CSMD1: variants seen among roughly 807,000 people sequenced by gnomAD.
CSMD1 encodes the protein CUB and Sushi multiple domains 1.
Under a neutral mutation model 417.5 loss-of-function variants are expected in CSMD1, and 213 were observed. That is an observed-to-expected ratio of 0.51 (90% CI 0.46 to 0.57). CSMD1 has a LOEUF of 0.57. Ranked by LOEUF, CSMD1 falls within the 20% of genes least tolerant of loss-of-function variation. The pLI is 0.00. For missense variants in CSMD1, 6,923 were observed against 4,529.7 expected (o/e 1.53, Z -15.17); for synonymous variants, 2,862 against 1,736.8 (o/e 1.65, Z -16.11).
chr8:3,934,213 T>C (rs1341866999), intron 5 of CSMD1, among the ~76,000 whole-genome samples: 1 of 152,238 alleles, frequency 6.6e-6, no homozygotes, highest in Non-Finnish European at 1.5e-5. Flanking sequence ...ATTACACTCC[T>C]ACCTAATCAA....
chr8:3,171,090 T>C (rs901873980), intron 37 of CSMD1, among the ~76,000 whole-genome samples: 4 of 152,354 alleles, frequency 2.6e-5, no homozygotes, highest in Middle Eastern at 3.4e-3. Context: ...TTTATGATTA[T>C]AGTTCATGAG....
intron 1 of CSMD1, among the ~76,000 whole-genome samples, chr8:4,745,920 CT>C (rs1239344885): frequency 6.6e-6 from 1 of 152,190 alleles, no homozygotes. Context: ...AGTCAGCTAA[CT>C]TTTGAGCCAC....
intron 5 of CSMD1, among the ~76,000 whole-genome samples, chr8:3,779,032 G>C (rs917122101): frequency 2.0e-5 from 3 of 152,104 alleles, no homozygotes; most frequent in Admixed American, 2.0e-4. Context: ...ATATTTGCAT[G>C]ATCAACGTTT....
intron 46 of CSMD1, among the ~76,000 whole-genome samples, chr8:3,106,082 A>C (rs1816115318): frequency 6.6e-6 from 1 of 152,158 alleles, no homozygotes. Context: ...TTGCAATGGG[A>C]TCAGAGCACA....
chr8:4,130,112 A>G (rs1026215041), intron 3 of CSMD1, among the ~76,000 whole-genome samples: 2 of 152,216 alleles, frequency 1.3e-5, no homozygotes. Flanking sequence ...CTCCATCACC[A>G]TGGAGTCACT....
At chr8:3,826,850 G>C (rs116336953) in intron 5 of CSMD1, among the ~76,000 whole-genome samples, 1,638 of 152,184 alleles carry the variant, frequency 0.011, 30 homozygotes, top group African/African-American at 0.037. Context: ...GTAGTGGTGT[G>C]ATCATAGCTC....
At chr8:3,499,950 T>C (rs1418498868) in intron 10 of CSMD1, among the ~76,000 whole-genome samples, 2 of 152,042 alleles carry the variant, frequency 1.3e-5, no homozygotes, top group Non-Finnish European at 2.9e-5. Flanking sequence ...AAAACAGTCA[T>C]GTGGGCTGCA....
chr8:3,618,442 T>A (rs1298569410), intron 7 of CSMD1, among the ~76,000 whole-genome samples: 1 of 152,052 alleles, frequency 6.6e-6, no homozygotes, highest in Non-Finnish European at 1.5e-5. Context: ...AGATATTTTT[T>A]AGGTATTTTT....
chr8:3,031,032 T>C (rs1664559996), intron 50 of CSMD1, among the ~76,000 whole-genome samples: 1 of 152,008 alleles, frequency 6.6e-6, no homozygotes, highest in African/African-American at 2.4e-5. Flanking sequence ...GGAATTATTC[T>C]AAATTTATAA....
chr8:4,055,063 T>A (rs1216129782), intron 3 of CSMD1, among the ~76,000 whole-genome samples: 2 of 152,174 alleles, frequency 1.3e-5, no homozygotes, highest in Non-Finnish European at 1.5e-5. Flanking sequence ...ATTCAAACAA[T>A]CAGAGAGAAT....
intron 6 of CSMD1, among the ~76,000 whole-genome samples, chr8:3,719,255 T>C (rs937254288): frequency 6.6e-6 from 1 of 152,084 alleles, no homozygotes; most frequent in Non-Finnish European, 1.5e-5. Flanking sequence ...TGAACAACGT[T>C]TTTACAAAAA....
chr8:4,994,515 G>A lies in CSMD1; in HGVS notation c.-99C>T, dbSNP rs1811654226. 2 of 1,118,414 alleles carry A rather than the reference G, an allele frequency of 1.8e-6. No homozygotes were observed. The highest frequency in any genetic ancestry group is 2.6e-6 in the Non-Finnish European group (2 of 769,764). 69.3% of individuals were successfully genotyped at this position (1,118,414 alleles called of 1,614,324 possible). A position where few individuals can be genotyped will look rare whatever the true frequency, so the allele number is the denominator to read the frequency against. On this transcript the variant is annotated 5_prime_UTR_variant, in exon 1 of 70. Transcript: ENST00000635120. ...TAATCACCCGAGGGCAAGGCGAGCC[G>A]GAGAGAGAGCCCGGTCCCAAGACCC... is the stretch of plus-strand genomic sequence containing the variant.
intron 1 of CSMD1, among the ~76,000 whole-genome samples, chr8:4,942,222 G>C (rs1228178205): frequency 2.6e-5 from 4 of 151,982 alleles, no homozygotes; most frequent in Non-Finnish European, 2.9e-5. Context: ...ATATAAACCA[G>C]GCTTCACTCT....
chr8:3,849,614 T>G (rs1035829150), intron 5 of CSMD1, among the ~76,000 whole-genome samples: 7 of 152,102 alleles, frequency 4.6e-5, no homozygotes, highest in African/African-American at 7.2e-5. Flanking sequence ...TTCCTGGGCC[T>G]GTCTGCTGGA....
chr8:3,925,404 A>G (rs1013222149), intron 5 of CSMD1, among the ~76,000 whole-genome samples: 1 of 152,214 alleles, frequency 6.6e-6, no homozygotes, highest in Non-Finnish European at 1.5e-5. Context: ...AAAATATAAA[A>G]GCATGATGAA....
At chr8:4,392,194 T>G (rs1803892873) in intron 3 of CSMD1, among the ~76,000 whole-genome samples, 1 of 152,172 alleles carries the variant, frequency 6.6e-6, no homozygotes, top group Admixed American at 6.5e-5. Context: ...AGTCTTGAGG[T>G]TGCTTTTTAC....
intron 3 of CSMD1, among the ~76,000 whole-genome samples, chr8:4,202,454 C>A (rs975937527): frequency 6.6e-5 from 10 of 152,148 alleles, no homozygotes; most frequent in Admixed American, 2.6e-4. Flanking sequence ...CAAAATGTTT[C>A]ATTACGTAAG....
Position 3,387,578 on chromosome 8 carries a change from C to T in CSMD1, c.2698G>A (p.Asp900Asn). Reference sequence around the variant, plus strand: ...TCGTCACTTAGTGTGTACCCCGGGTCACAGCTGAAAGTCACTGTGGACCTG... The same window carrying T: ...TCGTCACTTAGTGTGTACCCCGGGTTACAGCTGAAAGTCACTGTGGACCTG... ...GIRSTVTFSC[D>N]PGYTLSDDEP... The change falls in exon 18 of 70, where the codon GAC (aspartate) becomes AAC (asparagine). Residue 900 changes from aspartate to asparagine, a missense_variant. Coordinates refer to ENST00000635120, the MANE Select transcript of CSMD1 (RefSeq NM_033225.6). 6.2e-7 allele frequency: 1 copy of T among 1,601,210 alleles called. No homozygotes were observed. The highest frequency in any genetic ancestry group is 8.5e-7 in the Non-Finnish European group (1 of 1,173,844).
At chr8:4,699,970 ATT>A (rs1323965575) in intron 1 of CSMD1, among the ~76,000 whole-genome samples, 4 of 152,232 alleles carry the variant, frequency 2.6e-5, no homozygotes, top group African/African-American at 4.8e-5. Context: ...GGATTCTGTA[ATT>A]CTCTCTCATT....
Sources: allele counts gnomAD v4.1 joint callset (sites outside exome capture counted in the v4.1 genomes callset), GRCh38; gene constraint gnomAD v4.1.1; transcripts MANE v1.5; gene names NCBI Gene and HGNC (gene_info 2026-07-23, HGNC 2026-07-21).